Variants in CADPS2 observed in about 807,000 individuals in gnomAD.
The protein encoded by CADPS2 is calcium-dependent secretion activator 2.
A neutral mutation model predicts 172.5 loss-of-function variants in CADPS2; 93 were observed. The observed-to-expected ratio is 0.54, with a 90% CI of 0.46 to 0.64. The LOEUF (loss-of-function observed/expected upper bound fraction) is 0.64, where lower values mean the gene tolerates loss of function less well. CADPS2 is among the 30% of genes least tolerant of loss of function. CADPS2 has a pLI of 0.00. For missense variants in CADPS2, 1,420 were observed against 1,565.9 expected (o/e 0.91, Z 1.57); for synonymous variants, 546 against 555.2 (o/e 0.98, Z 0.23).
intron 1 of CADPS2, among the ~76,000 whole-genome samples, chr7:122,782,086 T>C (rs1380936602): frequency 6.6e-6 from 1 of 152,222 alleles, no homozygotes; most frequent in African/African-American, 2.4e-5. Context: ...TTATTCTAAA[T>C]AATTATTTAC....
chr7:122,732,611 C>G (rs989977679), intron 2 of CADPS2, among the ~76,000 whole-genome samples: 5 of 145,464 alleles, frequency 3.4e-5, no homozygotes, highest in African/African-American at 1.3e-4. Flanking sequence ...TTGGGTATTT[C>G]TATGTGCTAT....
rs140510928 is a variant in CADPS2, at chr7:122,740,494, C to A, written c.340-3426G>T. On this transcript the variant is annotated intron_variant, in intron 1 of 29. Transcript: ENST00000449022. ...GACTCCAACGATATGACATTCTGGA[C>A]AAGGCAAAGCTATGGAGACAGTAAA... Among the ~76,000 whole-genome samples, 430 of 152,068 alleles carry A rather than the reference C, an allele frequency of 2.8e-3. 5 individuals are homozygous for A. Among genetic ancestry groups the A allele is most frequent in the African/African-American group, 0.01 (422 of 41,490 alleles).
At chr7:122,661,696 T>C (rs1368688593) in intron 3 of CADPS2, among the ~76,000 whole-genome samples, 1 of 152,136 alleles carries the variant, frequency 6.6e-6, no homozygotes, top group East Asian at 1.9e-4. Flanking sequence ...AGTCTTATCT[T>C]ATATAGACTT....
rs192853754 is a variant in CADPS2 at position 122,381,688 on chromosome 7, C to T, written c.3313-2246G>A. ...ATTAAATTCTCCTATAATACACTCC[C>T]GTAGATTGTTGCTTGCTTTGATACC... On this transcript the variant is annotated intron_variant, in intron 24 of 29. Coordinates refer to ENST00000449022, the MANE Select transcript of CADPS2 (RefSeq NM_017954.11). Among the ~76,000 whole-genome samples the T allele has an allele frequency of 8.6e-5, 13 of 152,028 alleles. 1 individual carries two copies. The South Asian group carries it at 1.7e-3, about 19-fold the overall frequency.
chr7:122,322,899 C>T (rs7777351), intron 29 of CADPS2, among the ~76,000 whole-genome samples: 3 of 151,928 alleles, frequency 2.0e-5, no homozygotes, highest in East Asian at 1.9e-4. Context: ...AGACTACTAA[C>T]AGCAAGTAGT....
intron 3 of CADPS2, among the ~76,000 whole-genome samples, chr7:122,645,473 GT>G (rs2078345052): frequency 1.6e-5 from 1 of 63,858 alleles, no homozygotes; most frequent in Admixed American, 1.6e-4. Flanking sequence ...GTGTATATAT[GT>G]ATATATATTT....
chr7:122,860,600 A>G (rs1380449191), intron 1 of CADPS2, among the ~76,000 whole-genome samples: 1 of 152,158 alleles, frequency 6.6e-6, no homozygotes, highest in Admixed American at 6.5e-5. Flanking sequence ...AAAGAACATT[A>G]AAACATTTAA....
At chr7:122,597,616 T>G (rs189133564) in intron 6 of CADPS2, among the ~76,000 whole-genome samples, 16 of 152,250 alleles carry the variant, frequency 1.1e-4, no homozygotes, top group Middle Eastern at 3.4e-3. Flanking sequence ...CTTATCATTT[T>G]TTTATTCTCT....
At chr7:122,629,394 G>A (rs780221400) in intron 3 of CADPS2, 66 bp from the exon 4 acceptor site, 94 of 1,183,258 alleles carry the variant, frequency 7.9e-5, no homozygotes, top group Middle Eastern at 2.0e-4. Context: ...CCCACAGACT[G>A]AGGCAGTCCC....
chr7:122,618,713 T>G (rs941071415), intron 5 of CADPS2, among the ~76,000 whole-genome samples: 1 of 152,224 alleles, frequency 6.6e-6, no homozygotes, highest in Non-Finnish European at 1.5e-5. Context: ...ATATGGGGTC[T>G]GAGGAGCAAG....
intron 8 of CADPS2, among the ~76,000 whole-genome samples, chr7:122,516,541 G>A (rs1040570741): frequency 6.6e-6 from 1 of 151,836 alleles, no homozygotes; most frequent in African/African-American, 2.4e-5. Flanking sequence ...CTGTCTCTTA[G>A]AGTAAATACA....
intron 20 of CADPS2, among the ~76,000 whole-genome samples, chr7:122,393,812 T>C (rs1004782160): frequency 6.6e-6 from 1 of 152,140 alleles, no homozygotes; most frequent in African/African-American, 2.4e-5. Context: ...ATTATATCTC[T>C]CTAAAATTCT....
chr7:122,822,511 ATTTTG>A (rs997161980), intron 1 of CADPS2, among the ~76,000 whole-genome samples: 75 of 150,486 alleles, frequency 5.0e-4, no homozygotes, highest in African/African-American at 1.2e-3. Flanking sequence ...CTTCAACACT[ATTTTG>A]TTTTATTTTT....
At chr7:122,639,471 C>A (rs1267130740) in intron 3 of CADPS2, among the ~76,000 whole-genome samples, 1 of 152,138 alleles carries the variant, frequency 6.6e-6, no homozygotes, top group African/African-American at 2.4e-5. Flanking sequence ...AGGATCCTGA[C>A]TTTGGCTACG....
intron 7 of CADPS2, among the ~76,000 whole-genome samples, chr7:122,564,877 A>AC (rs3034493): frequency 3.5e-4 from 53 of 149,342 alleles, no homozygotes; most frequent in African/African-American, 1.1e-3. Context: ...ACACACACAC[A>AC]AAACACTACC....
chr7:122,381,822 A>G (rs2043042513), intron 24 of CADPS2, among the ~76,000 whole-genome samples: 1 of 152,196 alleles, frequency 6.6e-6, no homozygotes, highest in Non-Finnish European at 1.5e-5. Flanking sequence ...GTTAAAAACA[A>G]AGGAATAAAG....
At chr7:122,721,096 A>G (rs2090339085) in intron 2 of CADPS2, among the ~76,000 whole-genome samples, 1 of 152,016 alleles carries the variant, frequency 6.6e-6, no homozygotes. Context: ...GCTCAACACA[A>G]AAAGGAAAAC....
At chr7:122,397,257 C>CA (rs905174809) in intron 20 of CADPS2, among the ~76,000 whole-genome samples, 4 of 151,926 alleles carry the variant, frequency 2.6e-5, no homozygotes, top group African/African-American at 7.3e-5. Flanking sequence ...CTATGAACTA[C>CA]AAAAAATCTT....
intron 14 of CADPS2, among the ~76,000 whole-genome samples, chr7:122,453,352 T>C (rs1322239342): frequency 6.6e-6 from 1 of 152,196 alleles, no homozygotes; most frequent in Non-Finnish European, 1.5e-5. Flanking sequence ...CATATTACTT[T>C]AGAATCAATT....
Sources: allele counts gnomAD v4.1 joint callset (sites outside exome capture counted in the v4.1 genomes callset), GRCh38; gene constraint gnomAD v4.1.1; transcripts MANE v1.5; gene names NCBI Gene and HGNC (gene_info 2026-07-23, HGNC 2026-07-21).